Variants in CCSER1 observed in about 807,000 individuals in gnomAD.
The protein encoded by CCSER1 is coiled-coil serine rich protein 1.
A neutral mutation model predicts 82.0 loss-of-function variants in CCSER1; 41 were observed. That is an observed-to-expected ratio of 0.50 (90% CI 0.39 to 0.65). The LOEUF (loss-of-function observed/expected upper bound fraction) is 0.65. Ranked by LOEUF, CCSER1 falls within the 30% of genes least tolerant of loss-of-function variation. The pLI, the probability that CCSER1 is intolerant of heterozygous loss-of-function variation, is 0.00. For synonymous variants in CCSER1, 414 were observed against 383.9 expected, an observed-to-expected ratio of 1.08 and a Z score of -0.92; for missense variants, 1,119 against 1,064.2, an observed-to-expected ratio of 1.05 and a Z score of -0.72.
intron 10 of CCSER1, among the ~76,000 whole-genome samples, chr4:91,355,035 G>C (rs1748730824): frequency 6.6e-6 from 1 of 152,054 alleles, no homozygotes; most frequent in East Asian, 1.9e-4. Context: ...TGAGGGGTTT[G>C]TGATTACTAA....
intron 6 of CCSER1, among the ~76,000 whole-genome samples, chr4:90,655,233 C>T (rs1348950989): frequency 6.6e-6 from 1 of 151,874 alleles, no homozygotes; most frequent in African/African-American, 2.4e-5. Context: ...TATATATAAT[C>T]ATAATAAAGT....
At chr4:91,518,496 G>T (rs1760273233) in intron 10 of CCSER1, among the ~76,000 whole-genome samples, 2 of 152,120 alleles carry the variant, frequency 1.3e-5, no homozygotes, top group Admixed American at 1.3e-4. Context: ...AGGTGTTTTT[G>T]GTTGCCCTGG....
intron 5 of CCSER1, among the ~76,000 whole-genome samples, chr4:90,534,496 A>C (rs1775055280): frequency 6.9e-6 from 1 of 143,888 alleles, no homozygotes; most frequent in Non-Finnish European, 1.5e-5. Context: ...TGTGATGTTT[A>C]CCTATTCTCT....
At chr4:90,449,598 C>T (rs1450810702) in intron 4 of CCSER1, among the ~76,000 whole-genome samples, 3 of 152,214 alleles carry the variant, frequency 2.0e-5, no homozygotes, top group Non-Finnish European at 4.4e-5. Flanking sequence ...CTCCCATGCT[C>T]ATCAGCTCTG....
intron 6 of CCSER1, among the ~76,000 whole-genome samples, chr4:90,645,622 TC>T (rs1727433672): frequency 6.6e-6 from 1 of 152,330 alleles, no homozygotes; most frequent in South Asian, 2.1e-4. Flanking sequence ...AGGCTCACAA[TC>T]ATCATATTTT....
chr4:90,841,569 C>T (rs1163176022), intron 8 of CCSER1, among the ~76,000 whole-genome samples: 5 of 135,312 alleles, frequency 3.7e-5, no homozygotes, highest in Non-Finnish European at 7.7e-5. Context: ...CAGACCGAGA[C>T]TCTGTCTCAA....
chr4:90,646,696 T>C (rs1727669306), intron 6 of CCSER1, among the ~76,000 whole-genome samples: 1 of 152,200 alleles, frequency 6.6e-6, no homozygotes, highest in African/African-American at 2.4e-5. Context: ...GCTCTGACTT[T>C]GACCTTTCCT....
chr4:90,691,908 T>G (rs1022309248), intron 6 of CCSER1, among the ~76,000 whole-genome samples: 5 of 151,824 alleles, frequency 3.3e-5, no homozygotes, highest in Admixed American at 1.3e-4. Context: ...TGTGTCCATA[T>G]GTACTCAATA....
intron 9 of CCSER1, among the ~76,000 whole-genome samples, chr4:91,002,025 T>C (rs1738082574): frequency 6.6e-6 from 1 of 152,200 alleles, no homozygotes; most frequent in South Asian, 2.1e-4. Context: ...TTAGTTTTGC[T>C]GGATCCAAAA....
intron 1 of CCSER1, among the ~76,000 whole-genome samples, chr4:90,241,318 A>G (rs1016050165): frequency 7.9e-5 from 12 of 152,186 alleles, no homozygotes; most frequent in African/African-American, 2.9e-4. Context: ...GTTGCCAACT[A>G]TTATATATTA....
chr4:91,006,489 T>C (rs1038283139), intron 9 of CCSER1, among the ~76,000 whole-genome samples: 5 of 149,052 alleles, frequency 3.4e-5, no homozygotes, highest in African/African-American at 1.3e-4. Context: ...TATTTCTTTT[T>C]TTCTTTTTTT....
At chr4:90,778,872 A>G (rs1389165417) in intron 7 of CCSER1, among the ~76,000 whole-genome samples, 1 of 152,200 alleles carries the variant, frequency 6.6e-6, no homozygotes, top group Non-Finnish European at 1.5e-5. Flanking sequence ...ATAACTTGGT[A>G]AAAATTGCTT....
At chr4:90,413,841 C>A (rs1376303747) in intron 4 of CCSER1, among the ~76,000 whole-genome samples, 1 of 143,808 alleles carries the variant, frequency 7.0e-6, no homozygotes, top group Non-Finnish European at 1.5e-5. Flanking sequence ...TCCAGCTACT[C>A]GGGAGGCTGA....
intron 3 of CCSER1, among the ~76,000 whole-genome samples, chr4:90,359,899 A>G (rs13137508): frequency 0.029 from 674 of 23,032 alleles, 10 homozygotes; most frequent in Admixed American, 0.11. Context: ...GTGTGTGTGT[A>G]TATATATATA....
intron 5 of CCSER1, among the ~76,000 whole-genome samples, chr4:90,604,892 GT>G (rs1294095973): frequency 3.9e-5 from 6 of 152,270 alleles, no homozygotes; most frequent in African/African-American, 1.2e-4. Flanking sequence ...TCTCTGTAAA[GT>G]GGGCCAATCA....
chr4:90,935,355 G>C (rs1200521697), intron 9 of CCSER1, among the ~76,000 whole-genome samples: 1 of 152,118 alleles, frequency 6.6e-6, no homozygotes, highest in East Asian at 1.9e-4. Context: ...CTCGGGTAGT[G>C]AGTGTCCTGT....
Position 91,335,003 on chromosome 4 carries a change from TG to T in CCSER1, c.2217+249010del, listed in dbSNP as rs147078134. On this transcript the variant is annotated intron_variant, in intron 10 of 10. Transcript: ENST00000509176. The stretch of plus-strand genomic sequence containing the variant: ...ACTGAAATGAAATAAAGCTTTTAAA[TG>T]TTTTTTTTAATTAAAAGACTACTGT... Among the ~76,000 whole-genome samples the T allele has an allele frequency of 1.4e-3, 215 of 151,288 alleles. 7 individuals carry two copies. In the East Asian group the frequency reaches 0.04, roughly 28 times the overall value.
At chr4:90,453,380 A>G (rs946543609) in intron 4 of CCSER1, among the ~76,000 whole-genome samples, 6 of 152,190 alleles carry the variant, frequency 3.9e-5, no homozygotes, top group Non-Finnish European at 5.9e-5. Flanking sequence ...TGTATCCCCA[A>G]TATCAGGGTA....
intron 9 of CCSER1, among the ~76,000 whole-genome samples, chr4:90,962,527 G>T (rs1400978807): frequency 6.6e-6 from 1 of 152,064 alleles, no homozygotes; most frequent in African/African-American, 2.4e-5. Context: ...ATACTTATAT[G>T]CCCTGTAAAC....
Sources: gnomAD v4.1 joint callset for allele counts (sites outside exome capture counted in the v4.1 genomes callset) on GRCh38, gnomAD v4.1.1 for gene constraint, MANE v1.5 for transcripts, NCBI Gene and HGNC (gene_info 2026-07-23, HGNC 2026-07-21) for gene names.